The following NEK11 variants were observed in gnomAD, a reference collection of about 807,000 sequenced individuals.
NEK11 encodes NIMA related kinase 11, also known as serine/threonine-protein kinase Nek11.
In NEK11, 72 loss-of-function variants were observed where a neutral mutation model predicts 80.7. The observed-to-expected ratio is 0.89, with a 90% CI of 0.74 to 1.08. The LOEUF (loss-of-function observed/expected upper bound fraction) is 1.08, where lower values mean the gene tolerates loss of function less well. NEK11 is among the 50% of genes least tolerant of loss of function. NEK11 has a pLI of 0.00. For missense variants in NEK11, 764 were observed against 763.6 expected, an observed-to-expected ratio of 1.00 and a Z score of -0.01; for synonymous variants, 251 against 260.7, an observed-to-expected ratio of 0.96 and a Z score of 0.36.
intron 14 of NEK11, among the ~76,000 whole-genome samples, chr3:131,216,984 A>G (rs564284515): frequency 6.6e-6 from 1 of 152,242 alleles, no homozygotes; most frequent in African/African-American, 2.4e-5. Context: ...GGGATGAGTC[A>G]CCAGGGAAAG....
At chr3:131,210,573 T>C (rs536962402) in intron 14 of NEK11, among the ~76,000 whole-genome samples, 1 of 152,270 alleles carries the variant, frequency 6.6e-6, no homozygotes, top group East Asian at 1.9e-4. Context: ...GACAGTGGGG[T>C]GTTAAAGTCT....
chr3:131,339,242 T>A (rs2097249518), intron 17 of NEK11, among the ~76,000 whole-genome samples: 2 of 152,236 alleles, frequency 1.3e-5, no homozygotes, highest in Admixed American at 1.3e-4. Flanking sequence ...TTAAGTCATT[T>A]TTTACTTCAT....
chr3:131,283,436 CCTTT>C (rs1307009918), intron 17 of NEK11, among the ~76,000 whole-genome samples: 2 of 151,906 alleles, frequency 1.3e-5, no homozygotes, highest in African/African-American at 4.8e-5. Context: ...TATTTTATGC[CCTTT>C]CACATGCTTT....
At chr3:131,033,959 A>C (rs2065251026) in intron 3 of NEK11, among the ~76,000 whole-genome samples, 1 of 151,302 alleles carries the variant, frequency 6.6e-6, no homozygotes, top group Admixed American at 6.6e-5. Context: ...TTCATAAAAC[A>C]ATATTTGAGA....
At chr3:131,122,673 TA>T (rs1417672213) in intron 5 of NEK11, among the ~76,000 whole-genome samples, 1 of 101,412 alleles carries the variant, frequency 9.9e-6, no homozygotes, top group Non-Finnish European at 2.3e-5. Flanking sequence ...GAGGGTTTCA[TA>T]TCATAAACTG....
At chr3:131,196,541 C>CTT (rs201876036) in intron 14 of NEK11, among the ~76,000 whole-genome samples, 2 of 148,220 alleles carry the variant, frequency 1.3e-5, no homozygotes, top group Non-Finnish European at 3.0e-5. Flanking sequence ...TTTCCTTTTT[C>CTT]TTTTTTTTTT....
At chr3:131,090,665 TG>T (rs2076592769) in intron 4 of NEK11, among the ~76,000 whole-genome samples, 2 of 152,240 alleles carry the variant, frequency 1.3e-5, no homozygotes, top group Non-Finnish European at 2.9e-5. Context: ...GACTAAAAAC[TG>T]TATTTCTTTG....
At chr3:131,273,954 CT>C (rs56868178) in intron 17 of NEK11, among the ~76,000 whole-genome samples, 20,846 of 148,906 alleles carry the variant, frequency 0.14, 2,144 homozygotes, top group East Asian at 0.3. Context: ...CCAGAGTGGT[CT>C]TTTTTTTTTA....
At chr3:131,089,761 T>C (rs2076473635) in intron 4 of NEK11, among the ~76,000 whole-genome samples, 1 of 152,092 alleles carries the variant, frequency 6.6e-6, no homozygotes, top group Non-Finnish European at 1.5e-5. Context: ...GTCAGAGTTA[T>C]TGATGATAAT....
At chr3:131,238,932 A>G (rs1338144886) in intron 15 of NEK11, among the ~76,000 whole-genome samples, 1 of 152,148 alleles carries the variant, frequency 6.6e-6, no homozygotes, top group Non-Finnish European at 1.5e-5. Flanking sequence ...ATAATGCATC[A>G]TTAATAATTA....
intron 3 of NEK11, among the ~76,000 whole-genome samples, chr3:131,042,253 C>T (rs1243840291): frequency 1.3e-5 from 2 of 151,698 alleles, no homozygotes; most frequent in African/African-American, 2.4e-5. Context: ...GGAATGCCAG[C>T]GAGACAGAAC....
Position 131,152,314 on chromosome 3 carries a change from T to A in NEK11, c.648-74T>A, listed in dbSNP as rs1045102204. On this transcript the variant is annotated intron_variant, in intron 7 of 17. Coordinates refer to ENST00000383366, the MANE Select transcript of NEK11 (RefSeq NM_024800.5). ...CTCACAGCCAATGCCCCAACACATCTGAGGTTTTGTATGATGAAAAAATTT... is the reference window on the plus strand; with the variant it reads ...CTCACAGCCAATGCCCCAACACATCAGAGGTTTTGTATGATGAAAAAATTT... The A allele has an allele frequency of 3.7e-6, 5 of 1,357,234 alleles. No homozygotes were observed. In the African/African-American group the frequency reaches 7.3e-5, roughly 20 times the overall value. The allele number at this position is 1,357,234 out of a possible 1,614,324, so 84.1% of individuals were successfully genotyped here. A position where few individuals can be genotyped will look rare whatever the true frequency, so the allele number is the denominator to read the frequency against.
At chr3:131,133,670 G>A (rs952385537) in intron 6 of NEK11, among the ~76,000 whole-genome samples, 160 bp from the exon 7 acceptor site, 1 of 152,042 alleles carries the variant, frequency 6.6e-6, no homozygotes, top group African/African-American at 2.4e-5. Context: ...CTATTTACCA[G>A]CGTTGTATAA....
intron 17 of NEK11, among the ~76,000 whole-genome samples, chr3:131,274,429 G>A (rs2096256753): frequency 6.8e-6 from 1 of 148,044 alleles, no homozygotes; most frequent in Non-Finnish European, 1.5e-5. Context: ...ACGTGTGCAT[G>A]TGTCTTTATA....
In NEK11 at chr3:131,291,882, A is replaced by G. The variant is rs140030620; in HGVS notation, c.1718+18308A>G. ...AAGTGTTTTGCAAATATCTTCTCCC[A>G]GTATGTGGCTTGTCTTCTCATTCTC... is the stretch of plus-strand genomic sequence containing the variant. On this transcript the variant is annotated intron_variant, in intron 17 of 17. Transcript: ENST00000383366. Among the ~76,000 whole-genome samples the G allele has an allele frequency of 4.6e-5, 7 of 152,290 alleles. No individual in the cohort carries two copies. The East Asian group carries it at 1.3e-3, about 29-fold the overall frequency.
intron 17 of NEK11, among the ~76,000 whole-genome samples, chr3:131,315,046 A>AT (rs2096822608): frequency 6.6e-6 from 1 of 152,204 alleles, no homozygotes; most frequent in South Asian, 2.1e-4. Flanking sequence ...GTACCTTGAT[A>AT]TACACATACG....
At chr3:131,090,418 A>G (rs1289531863) in intron 4 of NEK11, among the ~76,000 whole-genome samples, 2 of 152,238 alleles carry the variant, frequency 1.3e-5, no homozygotes, top group Admixed American at 6.5e-5. Context: ...ACTTAGGGCA[A>G]TATTAATTTT....
intron 3 of NEK11, among the ~76,000 whole-genome samples, chr3:131,035,178 C>T (rs577888205): frequency 2.6e-5 from 4 of 152,158 alleles, no homozygotes; most frequent in Non-Finnish European, 4.4e-5. Context: ...GCTCTTGCCT[C>T]CTCAGAGAGC....
intron 17 of NEK11, among the ~76,000 whole-genome samples, chr3:131,277,183 G>C (rs1301038010): frequency 6.6e-6 from 1 of 152,164 alleles, no homozygotes; most frequent in Admixed American, 6.5e-5. Flanking sequence ...TTTTTCTGTA[G>C]ACTAATCAAC....
Sources: allele counts gnomAD v4.1 joint callset (sites outside exome capture counted in the v4.1 genomes callset), GRCh38; gene constraint gnomAD v4.1.1; transcripts MANE v1.5; gene names NCBI Gene and HGNC (gene_info 2026-07-23, HGNC 2026-07-21).